Variants in FSTL4 observed in about 807,000 individuals in gnomAD.
FSTL4 encodes follistatin-related protein 4.
Under a neutral mutation model 78.2 loss-of-function variants are expected in FSTL4, and 28 were observed. That is an observed-to-expected ratio of 0.36 (90% CI 0.27 to 0.49). The LOEUF (loss-of-function observed/expected upper bound fraction) is 0.49, where lower values mean the gene tolerates loss of function less well. FSTL4 is among the 20% of genes least tolerant of loss of function. The pLI is 0.98. For missense variants in FSTL4, 922 were observed against 1,084.9 expected, an observed-to-expected ratio of 0.85 and a Z score of 2.11; for synonymous variants, 422 against 440.5, an observed-to-expected ratio of 0.96 and a Z score of 0.53.
chr5:133,229,657 A>G (rs2126799414), intron 8 of FSTL4, among the ~76,000 whole-genome samples: 1 of 152,378 alleles, frequency 6.6e-6, no homozygotes, highest in Admixed American at 6.5e-5. Context: ...TTACAAAGTT[A>G]GATAATACCA....
At chr5:133,615,422 C>A (rs1027687662), upstream of FSTL4, among the ~76,000 whole-genome samples, 3 of 152,224 alleles carry the variant, frequency 2.0e-5, no homozygotes, top group Non-Finnish European at 2.9e-5. Context: ...CTCTCTCCCG[C>A]CTCAGCCTCT....
intron 3 of FSTL4, among the ~76,000 whole-genome samples, chr5:133,404,172 G>T (rs898757849): frequency 1.3e-5 from 2 of 152,242 alleles, no homozygotes; most frequent in African/African-American, 4.8e-5. Flanking sequence ...ACAGAGGGCT[G>T]AGGATACCCC....
chr5:133,355,953 A>G (rs796281741), intron 4 of FSTL4, among the ~76,000 whole-genome samples: 6 of 152,208 alleles, frequency 3.9e-5, no homozygotes, highest in African/African-American at 1.4e-4. Context: ...GCATCTCAGG[A>G]AATCCTCGCA....
At chr5:133,447,115 G>C (rs1757281266) in intron 3 of FSTL4, among the ~76,000 whole-genome samples, 2 of 152,252 alleles carry the variant, frequency 1.3e-5, no homozygotes, top group South Asian at 4.1e-4. Context: ...GCAGTAGGAA[G>C]AGCAGTGATG....
chr5:133,604,906 G>C (rs1760945989), intron 1 of FSTL4, among the ~76,000 whole-genome samples: 1 of 152,096 alleles, frequency 6.6e-6, no homozygotes, highest in Admixed American at 6.5e-5. Context: ...GGTGTTTCCT[G>C]AGGCTCACTT....
Position 133,312,669 on chromosome 5 carries a change from A to G in FSTL4, c.712T>C (p.Phe238Leu). 1 of 1,613,864 alleles carries G rather than the reference A, an allele frequency of 6.2e-7. No homozygotes were observed. The highest frequency in any genetic ancestry group is 1.1e-5 in the South Asian group (1 of 91,048). Residue 238 changes from phenylalanine (F) to leucine (L), a missense_variant, in exon 6 of 16, where the codon TTC becomes CTC. Physicochemically the swap from Phe to Leu is conservative, Grantham distance 22. Transcript: ENST00000265342. Reference sequence around the variant, plus strand: ...CCCAACTTACGGAAGGCCATGTAGAACTCGCGGAGGGTCAGGGAGCTGTCA... The same window carrying G: ...CCCAACTTACGGAAGGCCATGTAGAGCTCGCGGAGGGTCAGGGAGCTGTCA... ...NSDSSLTLREFYMAFQVVQLS... is the reference protein window; with the variant it reads ...NSDSSLTLRELYMAFQVVQLS...
At chr5:133,792,423 G>A in the FSTL4 span, among the ~76,000 whole-genome samples, 1 of 152,236 alleles carries the variant, frequency 6.6e-6, no homozygotes, top group Non-Finnish European at 1.5e-5. Context: ...ATGATCAAAA[G>A]CATTATCTTC....
At chr5:133,573,069 C>T (rs1760195320) in intron 2 of FSTL4, among the ~76,000 whole-genome samples, 1 of 151,874 alleles carries the variant, frequency 6.6e-6, no homozygotes, top group Admixed American at 6.6e-5. Flanking sequence ...ACAGTGTAAC[C>T]CTATCTCTAC....
chr5:133,517,479 C>CACACA (rs757109238), intron 3 of FSTL4, among the ~76,000 whole-genome samples: 8 of 55,548 alleles, frequency 1.4e-4, no homozygotes, highest in African/African-American at 4.0e-4. Context: ...CACACACACA[C>CACACA]CACACACACA....
At chr5:133,210,997 G>T (rs75039094) in intron 13 of FSTL4, 3,340 of 152,198 alleles carry the variant, frequency 0.022, 55 homozygotes, top group Non-Finnish European at 0.035. Flanking sequence ...CTGGTGAGTT[G>T]GTCCTTCCTC....
intron 4 of FSTL4, among the ~76,000 whole-genome samples, chr5:133,390,987 C>T (rs1351515607): frequency 6.6e-6 from 1 of 152,274 alleles, no homozygotes; most frequent in South Asian, 2.1e-4. Flanking sequence ...AGCCACTGGC[C>T]CCTTCAATGC....
At chr5:133,637,005 G>A in the FSTL4 span, among the ~76,000 whole-genome samples, 1 of 152,144 alleles carries the variant, frequency 6.6e-6, no homozygotes, top group Non-Finnish European at 1.5e-5. Context: ...CTGTTTGGCT[G>A]GAGTGGAAGC....
chr5:133,331,722 C>T (rs527420028), intron 4 of FSTL4, among the ~76,000 whole-genome samples: 9 of 152,168 alleles, frequency 5.9e-5, no homozygotes, highest in African/African-American at 1.2e-4. Context: ...CGGACTTGAA[C>T]GATTGACAGT....
chr5:133,507,241 G>A (rs1758628011), intron 3 of FSTL4, among the ~76,000 whole-genome samples: 1 of 152,008 alleles, frequency 6.6e-6, no homozygotes, highest in Non-Finnish European at 1.5e-5. Context: ...TAAAAAGCAG[G>A]CAATATAAAT....
the FSTL4 span, among the ~76,000 whole-genome samples, chr5:133,651,718 T>C: frequency 6.6e-6 from 1 of 152,122 alleles, no homozygotes; most frequent in African/African-American, 2.4e-5. Context: ...TCATCTATGT[T>C]TATGAAAGAT....
chr5:133,368,204 G>A (rs1216995439), intron 4 of FSTL4, among the ~76,000 whole-genome samples: 1 of 152,246 alleles, frequency 6.6e-6, no homozygotes, highest in Non-Finnish European at 1.5e-5. Context: ...ACCATGTGGT[G>A]TCAGCTCAAC....
intron 4 of FSTL4, among the ~76,000 whole-genome samples, chr5:133,393,979 T>C (rs991622981): frequency 5.3e-5 from 8 of 152,112 alleles, no homozygotes; most frequent in Non-Finnish European, 1.2e-4. Flanking sequence ...ATAAAGCAAT[T>C]GCATCTGTTA....
chr5:133,655,467 C>T, the FSTL4 span, among the ~76,000 whole-genome samples: 2 of 152,176 alleles, frequency 1.3e-5, no homozygotes, highest in African/African-American at 4.8e-5. Context: ...ATGACAGGTA[C>T]ACAGAGAGGA....
Position 133,217,256 on chromosome 5 carries a change from G to C in FSTL4, c.1581C>G (p.Val527=). Residue 527 remains valine, a synonymous_variant, in exon 13 of 16, where the codon GTC becomes GTG. Coordinates refer to ENST00000265342, the MANE Select transcript of FSTL4 (RefSeq NM_015082.2). The part of the protein sequence containing the change: ...AQPALSRVLV[V]DIQAQKVLQS... ...GTAGGACTTTCTGGGCTTGGATGTCGACCACAAGGACTCTGCTCAGTGCTG... is the reference window on the plus strand; with the variant it reads ...GTAGGACTTTCTGGGCTTGGATGTCCACCACAAGGACTCTGCTCAGTGCTG... The C allele has an allele frequency of 1.9e-6, 3 of 1,613,896 alleles. No homozygotes were observed. Among genetic ancestry groups the C allele is most frequent in the Non-Finnish European group, 1.7e-6 (2 of 1,179,878 alleles).
Sources: gnomAD v4.1 joint callset for allele counts (sites outside exome capture counted in the v4.1 genomes callset) on GRCh38, gnomAD v4.1.1 for gene constraint, MANE v1.5 for transcripts, NCBI Gene and HGNC (gene_info 2026-07-23, HGNC 2026-07-21) for gene names.